RNF217: variants seen among roughly 807,000 people sequenced by gnomAD.
RNF217 encodes ring finger protein 217.
In RNF217, 31 loss-of-function variants were observed where a neutral mutation model predicts 57.8. The observed-to-expected ratio is 0.54, with a 90% CI of 0.40 to 0.72. The LOEUF (loss-of-function observed/expected upper bound fraction) is 0.72. RNF217 is among the 30% of genes least tolerant of loss of function. The pLI is 0.00. For missense variants in RNF217, 696 were observed against 708.3 expected (o/e 0.98, Z 0.20); for synonymous variants, 313 against 294.0 (o/e 1.06, Z -0.66).
intron 1 of RNF217, among the ~76,000 whole-genome samples, chr6:124,968,080 C>G (rs1428201378): frequency 6.6e-6 from 1 of 152,154 alleles, no homozygotes; most frequent in Admixed American, 6.6e-5. Flanking sequence ...CCGTGCCTGG[C>G]CCCATAAATT....
chr6:125,056,249 CTG>C (rs1787519879), intron 2 of RNF217, among the ~76,000 whole-genome samples: 2 of 152,246 alleles, frequency 1.3e-5, no homozygotes, highest in South Asian at 2.1e-4. Flanking sequence ...CACATATGTG[CTG>C]TGTTACCTTC....
intron 1 of RNF217, among the ~76,000 whole-genome samples, chr6:125,012,751 A>G (rs1201145189): frequency 6.6e-6 from 1 of 152,172 alleles, no homozygotes; most frequent in Non-Finnish European, 1.5e-5. Context: ...ATTTGAATAA[A>G]GTAGATGTGA....
chr6:125,037,260 T>C (rs1031213561), intron 1 of RNF217, among the ~76,000 whole-genome samples: 1 of 152,174 alleles, frequency 6.6e-6, no homozygotes, highest in Non-Finnish European at 1.5e-5. Flanking sequence ...TTTATTTTTC[T>C]AGATCAAGAG....
At chr6:124,980,386 C>T (rs1282477807) in intron 1 of RNF217, among the ~76,000 whole-genome samples, 1 of 152,144 alleles carries the variant, frequency 6.6e-6, no homozygotes, top group African/African-American at 2.4e-5. Flanking sequence ...CCTCCCCTTC[C>T]CAGAAATAAC....
At chr6:125,001,391 G>C (rs1424013659) in intron 1 of RNF217, among the ~76,000 whole-genome samples, 1 of 152,150 alleles carries the variant, frequency 6.6e-6, no homozygotes, top group Non-Finnish European at 1.5e-5. Context: ...CTTAATTCGA[G>C]AACGGTAGAA....
In RNF217 at chr6:124,975,161, A is replaced by T. The variant is rs1392628508; in HGVS notation, c.882+11735A>T. Among the ~76,000 whole-genome samples the T allele has an allele frequency of 2.6e-5, 4 of 152,312 alleles. No homozygotes were observed. The East Asian group carries it at 5.8e-4, about 22-fold the overall frequency. On this transcript the variant is annotated intron_variant, in intron 1 of 5. Coordinates refer to ENST00000521654, the MANE Select transcript of RNF217 (RefSeq NM_001286398.3). ...ATTGATTCTTGCTTTATTTACTCAC[A>T]TGATTATTGGCCACACTCAGTATTC...
At chr6:125,044,733 CTT>C (rs1007273630) in intron 1 of RNF217, among the ~76,000 whole-genome samples, 3 of 152,062 alleles carry the variant, frequency 2.0e-5, no homozygotes, top group African/African-American at 7.2e-5. Context: ...ATTACAAAAT[CTT>C]TTGTTCTTTT....
chr6:124,978,418 C>T (rs1784044447), intron 1 of RNF217, among the ~76,000 whole-genome samples: 1 of 151,170 alleles, frequency 6.6e-6, no homozygotes, highest in African/African-American at 2.4e-5. Context: ...CGGCTTCCAC[C>T]TTGGGTGCCA....
At chr6:125,052,553 A>G (rs571599821) in intron 2 of RNF217, among the ~76,000 whole-genome samples, 1 of 152,190 alleles carries the variant, frequency 6.6e-6, no homozygotes, top group South Asian at 2.1e-4. Context: ...GTGAAATATC[A>G]GGGAGTAAGA....
chr6:125,081,369 C>T, intron 4 of RNF217, 67 bp from the exon 5 acceptor site: 1 of 1,165,068 alleles, frequency 8.6e-7, no homozygotes, highest in South Asian at 1.3e-5. Flanking sequence ...ATTTAAAAAG[C>T]ATCACTGTAA....
At chr6:125,064,764 AT>A (rs1217633759) in intron 3 of RNF217, among the ~76,000 whole-genome samples, 5 of 152,044 alleles carry the variant, frequency 3.3e-5, no homozygotes, top group Admixed American at 2.0e-4. Flanking sequence ...TGTATATATT[AT>A]TTTTATATGT....
chr6:125,003,524 C>CT (rs1406022733), intron 1 of RNF217, among the ~76,000 whole-genome samples: 2 of 152,090 alleles, frequency 1.3e-5, no homozygotes, highest in Admixed American at 6.6e-5. Flanking sequence ...TAGGAATAAA[C>CT]TTTAGAGATT....
At chr6:125,025,516 A>AGGAG (rs1317012486) in intron 1 of RNF217, among the ~76,000 whole-genome samples, 1 of 144,388 alleles carries the variant, frequency 6.9e-6, no homozygotes, top group Non-Finnish European at 1.5e-5. Flanking sequence ...CTTTCTACCG[A>AGGAG]GGAGGGAGGG....
chr6:125,021,472 G>T (rs1475429436), intron 1 of RNF217, among the ~76,000 whole-genome samples: 1 of 151,898 alleles, frequency 6.6e-6, no homozygotes, highest in Non-Finnish European at 1.5e-5. Context: ...TCACCATCTT[G>T]GCCAGGCTGG....
intron 2 of RNF217, among the ~76,000 whole-genome samples, chr6:125,056,154 G>A (rs1385784169): frequency 6.6e-6 from 1 of 152,026 alleles, no homozygotes. Flanking sequence ...AATTGTCAAA[G>A]AACAAATGCC....
intron 2 of RNF217, among the ~76,000 whole-genome samples, chr6:125,052,284 T>TTG (rs368469313): frequency 0.046 from 6,603 of 143,148 alleles, 212 homozygotes; most frequent in South Asian, 0.085. Flanking sequence ...GTCATGCGTT[T>TTG]TGTGTGTGTG....
intron 1 of RNF217, among the ~76,000 whole-genome samples, chr6:125,003,555 G>A (rs1208836975): frequency 2.6e-5 from 4 of 152,158 alleles, no homozygotes; most frequent in African/African-American, 9.7e-5. Flanking sequence ...TATGGTGACT[G>A]TAGTTAATTT....
At chr6:125,034,545 A>G (rs1331235817) in intron 1 of RNF217, among the ~76,000 whole-genome samples, 1 of 152,014 alleles carries the variant, frequency 6.6e-6, no homozygotes, top group African/African-American at 2.4e-5. Flanking sequence ...GTTCTGTTCC[A>G]TTGATCTATA....
chr6:125,052,743 T>A (rs1209899943), intron 2 of RNF217, among the ~76,000 whole-genome samples: 3 of 152,110 alleles, frequency 2.0e-5, no homozygotes, highest in African/African-American at 7.2e-5. Flanking sequence ...CCACATCTCA[T>A]CTTCAAGAAA....
Sources: gnomAD v4.1 joint callset for allele counts (sites outside exome capture counted in the v4.1 genomes callset) on GRCh38, gnomAD v4.1.1 for gene constraint, MANE v1.5 for transcripts, NCBI Gene and HGNC (gene_info 2026-07-23, HGNC 2026-07-21) for gene names.